Variants in ZRANB3 observed in about 807,000 individuals in gnomAD.
The protein encoded by ZRANB3 is zinc finger RANBP2-type containing 3.
Under a neutral mutation model 133.8 loss-of-function variants are expected in ZRANB3, and 125 were observed. That is an observed-to-expected ratio of 0.93 (90% CI 0.81 to 1.08). The LOEUF (loss-of-function observed/expected upper bound fraction) is 1.08, where lower values mean the gene tolerates loss of function less well. ZRANB3 is among the 50% of genes least tolerant of loss of function. The pLI is 0.00. For synonymous variants in ZRANB3, 387 were observed against 432.7 expected (o/e 0.89, Z 1.31); for missense variants, 1,229 against 1,275.5 (o/e 0.96, Z 0.56).
At chr2:135,299,402 C>T (rs1182228076) in intron 8 of ZRANB3, among the ~76,000 whole-genome samples, 1 of 152,182 alleles carries the variant, frequency 6.6e-6, no homozygotes, top group Non-Finnish European at 1.5e-5. Flanking sequence ...TTGCCCCAGG[C>T]TACAAGCCTC....
At chr2:135,503,431 T>C (rs949625740) in intron 2 of ZRANB3, among the ~76,000 whole-genome samples, 3 of 152,174 alleles carry the variant, frequency 2.0e-5, no homozygotes, top group Non-Finnish European at 2.9e-5. Flanking sequence ...TTGTTGTATG[T>C]TTTTTAAACT....
chr2:135,305,168 G>A (rs1682621785), intron 8 of ZRANB3, among the ~76,000 whole-genome samples: 1 of 152,110 alleles, frequency 6.6e-6, no homozygotes, highest in Admixed American at 6.5e-5. Flanking sequence ...AGTAGAGACG[G>A]GGTTTCGCCA....
At chr2:135,245,270 C>T (rs958120712) in intron 12 of ZRANB3, among the ~76,000 whole-genome samples, 4 of 152,186 alleles carry the variant, frequency 2.6e-5, no homozygotes, top group African/African-American at 9.6e-5. Flanking sequence ...TGATCCATGT[C>T]ATCAACTGTG....
intron 2 of ZRANB3, among the ~76,000 whole-genome samples, chr2:135,403,453 TG>T (rs1687842114): frequency 6.6e-6 from 1 of 152,210 alleles, no homozygotes; most frequent in East Asian, 1.9e-4. Context: ...CAAACCAGCC[TG>T]GAAGCTCCAA....
At chr2:135,468,720 GTAT>G (rs1691114450) in intron 2 of ZRANB3, among the ~76,000 whole-genome samples, 1 of 152,142 alleles carries the variant, frequency 6.6e-6, no homozygotes, top group African/African-American at 2.4e-5. Context: ...CAACAAGAAA[GTAT>G]TATGAGAAAT....
chr2:135,292,573 T>C (rs529421941), intron 8 of ZRANB3, among the ~76,000 whole-genome samples: 1 of 152,346 alleles, frequency 6.6e-6, no homozygotes, highest in Non-Finnish European at 1.5e-5. Context: ...GTAGTTTCTT[T>C]TGCCGTGCAG....
chr2:135,314,198 G>A (rs1683143067), intron 7 of ZRANB3, among the ~76,000 whole-genome samples: 2 of 152,078 alleles, frequency 1.3e-5, no homozygotes, highest in Non-Finnish European at 2.9e-5. Flanking sequence ...TCTGTAAAAT[G>A]AACATAAGAA....
intron 12 of ZRANB3, among the ~76,000 whole-genome samples, chr2:135,247,762 G>A (rs140886384): frequency 1.3e-5 from 2 of 152,256 alleles, no homozygotes; most frequent in African/African-American, 4.8e-5. Flanking sequence ...CCTAGGAAAG[G>A]AGGTCCTGAG....
chr2:135,493,133 AT>A (rs1692477472), intron 2 of ZRANB3, among the ~76,000 whole-genome samples: 2 of 46,302 alleles, frequency 4.3e-5, no homozygotes, highest in African/African-American at 1.4e-4. Flanking sequence ...ATATATATAT[AT>A]ATATATATAT....
chr2:135,504,552 G>A, intron 1 of ZRANB3, 56 bp from the exon 2 acceptor site: 2 of 1,425,174 alleles, frequency 1.4e-6, no homozygotes, highest in Admixed American at 2.5e-5. Context: ...ATATTACTAA[G>A]TATGTTACAG....
intron 2 of ZRANB3, among the ~76,000 whole-genome samples, chr2:135,438,501 G>A (rs1234123984): frequency 9.1e-5 from 11 of 120,880 alleles, no homozygotes; most frequent in Non-Finnish European, 1.5e-4. Flanking sequence ...GCAAAACCCC[G>A]TCTCAAAAAA....
At chr2:135,205,623 T>C (rs931505810) in intron 19 of ZRANB3, among the ~76,000 whole-genome samples, 17 of 152,302 alleles carry the variant, frequency 1.1e-4, no homozygotes, top group African/African-American at 3.4e-4. Context: ...AGTACTGGGA[T>C]TACAGGTATG....
In ZRANB3 at chr2:135,367,494, G is replaced by A. The variant is rs375440041; in HGVS notation, c.181-13866C>T. On this transcript the variant is annotated intron_variant, in intron 3 of 20. Transcript: ENST00000264159. ...TGTCAAGTCTTTATAAACAATCACT[G>A]TGTGTGTGTTTGTGTTTGAGAGTGC... Among the ~76,000 whole-genome samples, 5 of 152,092 alleles carry A rather than the reference G, an allele frequency of 3.3e-5. No homozygotes were observed. The East Asian group carries it at 9.6e-4, about 29-fold the overall frequency.
intron 2 of ZRANB3, among the ~76,000 whole-genome samples, chr2:135,470,600 T>C (rs534000361): frequency 6.6e-6 from 1 of 150,466 alleles, no homozygotes; most frequent in South Asian, 2.1e-4. Context: ...GGCAGGAGGA[T>C]TGCTTGAATT....
intron 2 of ZRANB3, among the ~76,000 whole-genome samples, chr2:135,447,201 G>A (rs552855789): frequency 6.6e-6 from 1 of 152,108 alleles, no homozygotes; most frequent in African/African-American, 2.4e-5. Flanking sequence ...ACCAAACCTA[G>A]CTAATTTTTG....
In ZRANB3 at chr2:135,488,518, CATAT is replaced by C. The variant is rs550434039; in HGVS notation, c.161+15807_161+15810del. Among the ~76,000 whole-genome samples the C allele has an allele frequency of 3.2e-3, 481 of 150,838 alleles. 2 individuals carry two copies. The highest frequency in any genetic ancestry group is 0.01 in the African/African-American group (425 of 41,080). Reference sequence around the variant, plus strand: ...TACTATATTTGATTATACTGTATAGCATATATATTTGATTATACTATATAGCATA... The same window carrying C: ...TACTATATTTGATTATACTGTATAGCATATTTGATTATACTATATAGCATA... On this transcript the variant is annotated intron_variant, in intron 2 of 20. Transcript: ENST00000264159.
At chr2:135,374,889 G>T (rs1034581139) in intron 3 of ZRANB3, among the ~76,000 whole-genome samples, 1 of 152,092 alleles carries the variant, frequency 6.6e-6, no homozygotes, top group Non-Finnish European at 1.5e-5. Context: ...TTAAACATGG[G>T]TATAAGATCT....
At chr2:135,318,850 G>A (rs943609201) in intron 6 of ZRANB3, among the ~76,000 whole-genome samples, 1 of 152,188 alleles carries the variant, frequency 6.6e-6, no homozygotes, top group Non-Finnish European at 1.5e-5. Context: ...AAAGTGTGGG[G>A]ATGGGTAGAC....
chr2:135,392,357 G>A (rs199860230), intron 2 of ZRANB3, among the ~76,000 whole-genome samples: 12,527 of 116,466 alleles, frequency 0.11, 953 homozygotes, highest in South Asian at 0.35. Context: ...AAAAAAAAAG[G>A]GGGGGGGGGC....
Sources: gnomAD v4.1 joint callset for allele counts (sites outside exome capture counted in the v4.1 genomes callset) on GRCh38, gnomAD v4.1.1 for gene constraint, MANE v1.5 for transcripts, NCBI Gene and HGNC (gene_info 2026-07-23, HGNC 2026-07-21) for gene names.